ZNF879: variants seen among roughly 807,000 people sequenced by gnomAD.
ZNF879 encodes zinc finger protein 879.
In ZNF879, 32 loss-of-function variants were observed where a neutral mutation model predicts 44.3. The ratio of observed to expected loss-of-function variants is 0.72; its 90% CI spans 0.54 to 0.97. ZNF879 has a LOEUF of 0.97. Among genes scored for constraint, ZNF879 ranks in the 50% least tolerant of loss-of-function variants. The pLI is 0.00. For synonymous variants in ZNF879, 234 were observed against 233.2 expected, an observed-to-expected ratio of 1.00 and a Z score of -0.03; for missense variants, 621 against 669.7, an observed-to-expected ratio of 0.93 and a Z score of 0.80.
chr5:179,034,375 A>T lies in ZNF879; in HGVS notation c.*735A>T, dbSNP rs999995620. The T allele has an allele frequency of 6.6e-6, 1 of 152,258 alleles. No individual in the cohort carries two copies. Among genetic ancestry groups the T allele is most frequent in the African/African-American group, 2.4e-5 (1 of 41,472 alleles). The allele number at this position is 152,258 out of a possible 1,614,324, so 9.4% of individuals were successfully genotyped here. On this transcript the variant is annotated 3_prime_UTR_variant, in exon 5 of 5. Transcript: ENST00000444149. ...TGTATTAAATTGATAAGTAAAGGTC[A>T]TTCAGACAACCACTGCTTTTGCAAT...
chr5:179,026,508 G>A (rs531592779), intron 2 of ZNF879, among the ~76,000 whole-genome samples: 9 of 152,206 alleles, frequency 5.9e-5, no homozygotes, highest in African/African-American at 2.2e-4. Flanking sequence ...TAAGAGACAG[G>A]ATCTTACTCT....
At position 179,034,691 on chromosome 5, in the gene ZNF879, A is replaced by T. The variant is rs761566983; in HGVS notation, c.*1051A>T. ...AGATACTCTTTCTTCCAGCAAATGG[A>T]CTTACACTCTTCAACAAGTGATTTA... On this transcript the variant is annotated 3_prime_UTR_variant, in exon 5 of 5. Coordinates refer to ENST00000444149, the MANE Select transcript of ZNF879 (RefSeq NM_001136116.3). 1 of 152,226 alleles carries T rather than the reference A, an allele frequency of 6.6e-6. No individual in the cohort carries two copies. Among genetic ancestry groups the T allele is most frequent in the Non-Finnish European group, 1.5e-5 (1 of 68,044 alleles). 9.4% of individuals were successfully genotyped at this position (152,226 alleles called of 1,614,324 possible).
chr5:179,025,028 C>A lies in ZNF879; in HGVS notation c.24C>A (p.Ala8=), dbSNP rs1455967441. 6.4e-7 allele frequency: 1 copy of A among 1,551,366 alleles called. No homozygotes were observed. Among genetic ancestry groups the A allele is most frequent in the Non-Finnish European group, 8.7e-7 (1 of 1,146,900 alleles). The stretch of plus-strand genomic sequence containing the variant: ...AAATGGCAAGGAGGTTGCTGCCAGC[C>A]CATGTACAGGTGAGTGAAGGCTTCT... MARRLLP[A]HVQESVTFRD... Residue 8 remains alanine, a synonymous_variant, in exon 2 of 5, where the codon GCC becomes GCA. Transcript: ENST00000444149.
chr5:179,032,568 A>T lies in ZNF879; in HGVS notation c.620A>T (p.Asn207Ile), dbSNP rs775374689. 6.4e-7 allele frequency: 1 copy of T among 1,552,462 alleles called. No individual in the cohort carries two copies. Among genetic ancestry groups the T allele is most frequent in the African/African-American group, 1.4e-5 (1 of 73,048 alleles). The stretch of plus-strand genomic sequence containing the variant: ...ACAGTGCGTAAATGTTATAAATGTA[A>T]TATCTGTGGGAAAATCTTCCTCCAC... ...VNTVRKCYKC[N>I]ICGKIFLHSS... The change falls in exon 5 of 5, where the codon AAT becomes ATT. Residue 207 changes from asparagine (N) to isoleucine (I), a missense_variant. Transcript: ENST00000444149.
At chr5:179,025,131 T>G in intron 2 of ZNF879, 94 bp downstream of exon 2, 1 of 1,424,640 alleles carries the variant, frequency 7.0e-7, no homozygotes. Flanking sequence ...CCAGTGAAGC[T>G]CAGGGAAGGA....
chr5:179,032,539 C>T lies in ZNF879; in HGVS notation c.591C>T (p.Val197=), dbSNP rs986684948. The T allele has an allele frequency of 6.4e-7, 1 of 1,551,676 alleles. No individual in the cohort carries two copies. Among genetic ancestry groups the T allele is most frequent in the Non-Finnish European group, 8.7e-7 (1 of 1,147,016 alleles). The change falls in exon 5 of 5, where the codon GTC becomes GTT. Residue 197 remains valine (V), a synonymous_variant. Coordinates refer to ENST00000444149, the MANE Select transcript of ZNF879 (RefSeq NM_001136116.3). ...CAGTTCTCTTTAAACAACTGGGGGTCAACACAGTGCGTAAATGTTATAAAT... is the reference window on the plus strand; with the variant it reads ...CAGTTCTCTTTAAACAACTGGGGGTTAACACAGTGCGTAAATGTTATAAAT... The part of the protein sequence containing the change: ...QYSVLFKQLG[V]NTVRKCYKCN...
chr5:179,025,096 TTCA>T (rs1389497178), intron 2 of ZNF879, 59 bp downstream of exon 2: 1 of 1,537,846 alleles, frequency 6.5e-7, no homozygotes, highest in Admixed American at 2.0e-5. Flanking sequence ...GGTAAACTTC[TTCA>T]TCTGTTGTTG....
intron 4 of ZNF879, among the ~76,000 whole-genome samples, chr5:179,031,400 G>T (rs1236073254): frequency 6.6e-6 from 1 of 152,262 alleles, no homozygotes; most frequent in East Asian, 1.9e-4. Flanking sequence ...AGCTATTCCT[G>T]CCTAGGGCCT....
intron 1 of ZNF879, among the ~76,000 whole-genome samples, chr5:179,024,281 C>T (rs1761196327): frequency 1.3e-5 from 2 of 152,188 alleles, no homozygotes; most frequent in African/African-American, 4.8e-5. Flanking sequence ...TTTAGATTTA[C>T]TCGTTTTTGG....
intron 2 of ZNF879, 144 bp from the exon 3 acceptor site, chr5:179,027,329 A>G: frequency 8.5e-7 from 1 of 1,177,994 alleles, no homozygotes; most frequent in Non-Finnish European, 1.2e-6. Flanking sequence ...CACCATAGGT[A>G]AATGATAAAT....
intron 4 of ZNF879, among the ~76,000 whole-genome samples, chr5:179,029,910 A>G (rs1019838420): frequency 6.6e-6 from 1 of 152,226 alleles, no homozygotes; most frequent in Non-Finnish European, 1.5e-5. Flanking sequence ...TAAGCCAATT[A>G]AACAGTCTTC....
At position 179,033,291 on chromosome 5, in the gene ZNF879, G is replaced by A. The variant is rs1383749755; in HGVS notation, c.1343G>A (p.Arg448Lys). ...SWISRLNIHH[R>K]IHTGEKPYNC... is the part of the protein sequence containing the mutation. ...ATTTCACGGCTTAATATACATCACA[G>A]AATTCACACTGGAGAGAAACCATAT... The change falls in exon 5 of 5, where the codon AGA becomes AAA. Residue 448 changes from arginine (R) to lysine (K), a missense_variant. Physicochemically the swap from Arg to Lys is conservative, Grantham distance 26. Coordinates refer to ENST00000444149, the MANE Select transcript of ZNF879 (RefSeq NM_001136116.3). 6.3e-7 allele frequency: 1 copy of A among 1,578,900 alleles called. No homozygotes were observed. The highest frequency in any genetic ancestry group is 1.2e-5 in the South Asian group (1 of 86,918).
At chr5:179,024,111 T>TCCTGGGCCGCAGCCTGGGCCGCAG (rs1181626727) in intron 1 of ZNF879, among the ~76,000 whole-genome samples, 4 of 152,154 alleles carry the variant, frequency 2.6e-5, no homozygotes, top group African/African-American at 9.6e-5. Context: ...GCCGCTGGAC[T>TCCTGGGCCGCAGCCTGGGCCGCAG]CCTGGGCCGC....
Position 179,031,452 on chromosome 5 carries a change from T to A in ZNF879, c.257-753T>A, listed in dbSNP as rs552427762. On this transcript the variant is annotated intron_variant, in intron 4 of 4. Coordinates refer to ENST00000444149, the MANE Select transcript of ZNF879 (RefSeq NM_001136116.3). ...TCTGACTGGAATCACCTTTATACCC[T>A]AATTTTTGTCTGGCCAGCGCTTGTT... Among the ~76,000 whole-genome samples the A allele has an allele frequency of 1.8e-3, 273 of 152,346 alleles. 1 individual carries two copies. The highest frequency in any genetic ancestry group is 6.2e-3 in the African/African-American group (257 of 41,588).
intron 2 of ZNF879, 57 bp downstream of exon 2, chr5:179,025,094 T>A (rs1289354624): frequency 3.9e-6 from 6 of 1,538,052 alleles, no homozygotes; most frequent in Non-Finnish European, 5.3e-6. Flanking sequence ...GTGGTAAACT[T>A]CTTCATCTGT....
chr5:179,028,650 G>A (rs1008749405), intron 4 of ZNF879, among the ~76,000 whole-genome samples: 1 of 152,096 alleles, frequency 6.6e-6, no homozygotes, highest in African/African-American at 2.4e-5. Context: ...TAACAGTTAC[G>A]GAATGTGAGT....
chr5:179,025,445 C>T (rs751994013), intron 2 of ZNF879, among the ~76,000 whole-genome samples: 1 of 152,150 alleles, frequency 6.6e-6, no homozygotes. Context: ...CCGCCTCAGC[C>T]TCCTAAAGTG....
chr5:179,031,542 T>C (rs1282639372), intron 4 of ZNF879, among the ~76,000 whole-genome samples: 2 of 152,258 alleles, frequency 1.3e-5, no homozygotes, highest in East Asian at 1.9e-4. Context: ...CTATTCACTC[T>C]TATTACACAG....
chr5:179,025,210 C>CT (rs535303170), intron 2 of ZNF879, among the ~76,000 whole-genome samples, 173 bp downstream of exon 2: 4,400 of 143,246 alleles, frequency 0.031, 86 homozygotes, highest in Middle Eastern at 0.079. Context: ...CTGTCTCATG[C>CT]TTTTTTTTTT....
Sources: allele counts gnomAD v4.1 joint callset (sites outside exome capture counted in the v4.1 genomes callset), GRCh38; gene constraint gnomAD v4.1.1; transcripts MANE v1.5; gene names NCBI Gene and HGNC (gene_info 2026-07-23, HGNC 2026-07-21).